MAP3K15: variants seen among roughly 807,000 people sequenced by gnomAD.
The protein encoded by MAP3K15 is mitogen-activated protein kinase kinase kinase 15, also known as MAPK/ERK kinase kinase 15.
A neutral mutation model predicts 99.5 loss-of-function variants in MAP3K15; 124 were observed. The observed-to-expected ratio is 1.25, with a 90% CI of 1.08 to 1.45. The LOEUF is 1.45. Among genes scored for constraint, MAP3K15 ranks in the 40% most tolerant of loss-of-function variants. The probability of loss-of-function intolerance (pLI) is 0.00; values close to 1 mark genes in which losing one functional copy is unlikely to be tolerated. For synonymous variants in MAP3K15, 494 were observed against 439.6 expected (o/e 1.12, Z -1.55); for missense variants, 1,242 against 1,079.7 (o/e 1.15, Z -2.11).
At chrX:19,407,770 T>A (rs909881384) in intron 12 of MAP3K15, among the ~76,000 whole-genome samples, 10 of 112,403 alleles carry the variant, frequency 8.9e-5, no homozygotes, top group Non-Finnish European at 1.9e-4. Context: ...CTGGTCCATC[T>A]CCACCCAGGG....
At chrX:19,369,288 C>A in intron 24 of MAP3K15, 69 bp from the exon 25 acceptor site, 1 of 1,160,796 alleles carries the variant, frequency 8.6e-7, no homozygotes, top group South Asian at 1.8e-5. Flanking sequence ...CGCAGACACC[C>A]AGGTCAGCAA....
At chrX:19,489,074 C>T in intron 1 of MAP3K15, 107 bp from the exon 2 acceptor site, 1 of 732,029 alleles carries the variant, frequency 1.4e-6, no homozygotes, top group Non-Finnish European at 2.0e-6. Flanking sequence ...TTTCTGTCAT[C>T]AGCCTGTTAG....
chrX:19,439,992 C>A (rs761947282), intron 6 of MAP3K15, among the ~76,000 whole-genome samples: 1 of 111,502 alleles, frequency 9.0e-6, no homozygotes, highest in East Asian at 2.8e-4. Context: ...GAGGGTGAGG[C>A]CCTGGAGGAT....
chrX:19,442,529 T>C (rs1483664289), intron 6 of MAP3K15, among the ~76,000 whole-genome samples: 4 of 103,976 alleles, frequency 3.8e-5, no homozygotes, highest in Admixed American at 1.1e-4. Flanking sequence ...CAACAATTTT[T>C]TTTTTTTTTT....
chrX:19,408,773 C>G (rs1602280531), intron 12 of MAP3K15: 1 of 113,917 alleles, frequency 8.8e-6, no homozygotes, highest in Non-Finnish European at 1.9e-5. Context: ...GTCAGGTACA[C>G]ACACTGGGTG....
At chrX:19,435,551 C>T (rs1342250835) in intron 6 of MAP3K15, among the ~76,000 whole-genome samples, 1 of 112,080 alleles carries the variant, frequency 8.9e-6, no homozygotes, top group African/African-American at 3.2e-5. Context: ...ACCCTTGTTA[C>T]TCAAAACAAA....
At chrX:19,435,353 G>A (rs918422324) in intron 6 of MAP3K15, among the ~76,000 whole-genome samples, 1 of 109,921 alleles carries the variant, frequency 9.1e-6, no homozygotes, top group Non-Finnish European at 1.9e-5. Context: ...AGCCTCCCAA[G>A]TAGCTGTGAC....
intron 7 of MAP3K15, among the ~76,000 whole-genome samples, 158 bp from the exon 8 acceptor site, chrX:19,426,501 A>T (rs2063831271): frequency 9.0e-6 from 1 of 111,123 alleles, no homozygotes; most frequent in African/African-American, 3.3e-5. Context: ...AGCCACATGC[A>T]GCTCTCTAGT....
intron 7 of MAP3K15, among the ~76,000 whole-genome samples, chrX:19,427,841 T>C (rs1257211601): frequency 4.5e-5 from 5 of 111,415 alleles, no homozygotes; most frequent in African/African-American, 1.6e-4. Flanking sequence ...GCATTATCAA[T>C]TCTGAGGCAT....
intron 1 of MAP3K15, among the ~76,000 whole-genome samples, chrX:19,506,203 G>C (rs1362928963): frequency 1.8e-5 from 2 of 112,016 alleles, no homozygotes; most frequent in East Asian, 2.8e-4. Context: ...CAAAGTGCTG[G>C]AGTTACAGGC....
At chrX:19,407,116 T>C (rs912919438) in intron 13 of MAP3K15, 72 bp downstream of exon 13, 1 of 600,060 alleles carries the variant, frequency 1.7e-6, no homozygotes, top group Admixed American at 3.9e-5. Flanking sequence ...GTAAATATCT[T>C]TCAGAACAAA....
chrX:19,360,758 G>GTC lies in MAP3K15; in HGVS notation c.3931_3932dup (p.Asp1311GlufsTer45). 3.3e-6 allele frequency: 4 copies of GTC among 1,207,020 alleles called. No homozygotes were observed. In the South Asian group the frequency reaches 7.1e-5, roughly 21 times the overall value. On this transcript the variant is annotated frameshift_variant, in exon 29 of 29. Coordinates refer to ENST00000338883, the MANE Select transcript of MAP3K15 (RefSeq NM_001001671.4). LOFTEE classifies it high-confidence loss of function. The stretch of plus-strand genomic sequence containing the variant: ...GCTTAGCTGATTGGTATCAAGCCTT[G>GTC]TCTTTGGTTTCTGAGGCCTCCTGAG...
chrX:19,475,013 T>C, intron 3 of MAP3K15, among the ~76,000 whole-genome samples: 1 of 110,668 alleles, frequency 9.0e-6, no homozygotes, highest in Middle Eastern at 4.6e-3. Context: ...GCAGGGAGGA[T>C]GGTTTCAGGA....
intron 1 of MAP3K15, among the ~76,000 whole-genome samples, chrX:19,513,658 A>G (rs2064536514): frequency 9.0e-6 from 1 of 111,617 alleles, no homozygotes; most frequent in African/African-American, 3.3e-5. Flanking sequence ...ATCCTAGCTT[A>G]CTATTACAGC....
chrX:19,446,414 CT>C (rs2063998791), intron 6 of MAP3K15, among the ~76,000 whole-genome samples: 1 of 111,005 alleles, frequency 9.0e-6, no homozygotes, highest in African/African-American at 3.3e-5. Flanking sequence ...CCAAATCACT[CT>C]CTCTCTCTCT....
chrX:19,503,131 G>C (rs1254951481), intron 1 of MAP3K15, among the ~76,000 whole-genome samples: 1 of 111,384 alleles, frequency 9.0e-6, no homozygotes, highest in Non-Finnish European at 1.9e-5. Flanking sequence ...GGAGAGAGTG[G>C]GATCACTGAC....
At chrX:19,448,732 G>A (rs1231981952) in intron 6 of MAP3K15, among the ~76,000 whole-genome samples, 1 of 109,376 alleles carries the variant, frequency 9.1e-6, no homozygotes, top group Non-Finnish European at 1.9e-5. Context: ...TAGGCTGATA[G>A]AAAACTTGGT....
Position 19,426,275 on chromosome X carries a change from AC to A in MAP3K15, c.1234del (p.Val412LeufsTer12). Reference protein sequence around the residue: ...SGINLAVLLIVAGQQFETSLE... With the variant: ...SGINLAVLLIXAGQQFETSLE... ...GGAAGTTTCAAATTGTTGTCCAGCA[AC>A]AATCAGCAAAACTGCAAGATTAATT... On this transcript the variant is annotated frameshift_variant, in exon 8 of 29. Transcript: ENST00000338883. LOFTEE classifies it high-confidence loss of function. The A allele has an allele frequency of 8.5e-7, 1 of 1,172,593 alleles. No individual in the cohort carries two copies. Among genetic ancestry groups the A allele is most frequent in the Non-Finnish European group, 1.1e-6 (1 of 880,150 alleles).
At chrX:19,407,146 G>A (rs186562105) in intron 13 of MAP3K15, 42 bp downstream of exon 13, 25 of 805,952 alleles carry the variant, frequency 3.1e-5, no homozygotes, top group Admixed American at 1.0e-4. Flanking sequence ...AAAATGATTC[G>A]CCATAATTAC....
Sources: gnomAD v4.1 joint callset for allele counts (sites outside exome capture counted in the v4.1 genomes callset) on GRCh38, gnomAD v4.1.1 for gene constraint, MANE v1.5 for transcripts, NCBI Gene and HGNC (gene_info 2026-07-23, HGNC 2026-07-21) for gene names.